CAPN13: variants seen among roughly 807,000 people sequenced by gnomAD.
CAPN13 encodes calpain-13.
CAPN13 carries 90 observed loss-of-function variants against 98.4 expected under a neutral mutation model. The ratio of observed to expected loss-of-function variants is 0.92; its 90% CI spans 0.77 to 1.09. The LOEUF is 1.09. Ranked by LOEUF, CAPN13 falls within the 50% of genes least tolerant of loss-of-function variation. The pLI is 0.00. For missense variants in CAPN13, 887 were observed against 841.3 expected (o/e 1.05, Z -0.67); for synonymous variants, 330 against 305.5 (o/e 1.08, Z -0.84).
chr2:30,733,881 C>T (rs1671222393), intron 19 of CAPN13, among the ~76,000 whole-genome samples: 1 of 152,192 alleles, frequency 6.6e-6, no homozygotes, highest in Non-Finnish European at 1.5e-5. Context: ...GATTCCTGCC[C>T]TTCCCAGTTT....
At chr2:30,800,168 GAAAGAAAGAAA>G (rs1675176841) in intron 1 of CAPN13, among the ~76,000 whole-genome samples, 6 of 151,188 alleles carry the variant, frequency 4.0e-5, no homozygotes, top group African/African-American at 1.5e-4. Context: ...AAGAAAGAAA[GAAAGAAAGAAA>G]GAAAGAAAGA....
intron 20 of CAPN13, 24 bp downstream of exon 20, chr2:30,732,414 G>GCCAA: frequency 6.2e-7 from 1 of 1,612,248 alleles, no homozygotes. Context: ...CAAGGTCTCT[G>GCCAA]GGATGCCCCT....
chr2:30,763,058 G>T, intron 7 of CAPN13, 24 bp downstream of exon 7: 1 of 1,590,020 alleles, frequency 6.3e-7, no homozygotes, highest in Non-Finnish European at 8.6e-7. Context: ...GGGGAGAGCT[G>T]GACAGGCCAG....
intron 22 of CAPN13, among the ~76,000 whole-genome samples, chr2:30,726,335 G>A (rs1368554201): frequency 6.6e-6 from 1 of 152,178 alleles, no homozygotes; most frequent in Non-Finnish European, 1.5e-5. Flanking sequence ...GGAACACAAG[G>A]TTGTCTGCTT....
chr2:30,807,287 C>A lies in CAPN13; in HGVS notation c.-33+15G>T, dbSNP rs17010354. ...CTTGGTCCACAGCTCTGGGACATGA[C>A]CACGCACAACTTACCTGTTTCCTAG... On this transcript the variant is annotated intron_variant, in intron 1 of 22. Transcript: ENST00000295055. The A allele has an allele frequency of 1.3e-5, 2 of 152,230 alleles. No individual in the cohort carries two copies. The highest frequency in any genetic ancestry group is 2.9e-5 in the Non-Finnish European group (2 of 68,082). The allele number at this position is 152,230 out of a possible 1,614,324, so 9.4% of individuals were successfully genotyped here.
At chr2:30,745,622 C>T in intron 12 of CAPN13, 101 bp downstream of exon 12, 2 of 1,179,416 alleles carry the variant, frequency 1.7e-6, no homozygotes, top group African/African-American at 1.5e-5. Flanking sequence ...ACTGAATTTG[C>T]AGCCACTGAA....
At chr2:30,769,773 C>T (rs149347551) in intron 5 of CAPN13, among the ~76,000 whole-genome samples, 1 of 152,180 alleles carries the variant, frequency 6.6e-6, no homozygotes, top group Non-Finnish European at 1.5e-5. Flanking sequence ...TCCTGCCCCA[C>T]CCCCACACAT....
intron 1 of CAPN13, among the ~76,000 whole-genome samples, chr2:30,787,976 G>A (rs1302579293): frequency 6.6e-6 from 1 of 152,154 alleles, no homozygotes; most frequent in African/African-American, 2.4e-5. Flanking sequence ...AGGAAGCCAG[G>A]AGCTCCTGCA....
intron 11 of CAPN13, chr2:30,746,451 C>T (rs745819026): frequency 1.9e-5 from 3 of 154,402 alleles, no homozygotes; most frequent in Non-Finnish European, 2.9e-5. Flanking sequence ...TTACTTATAT[C>T]TGTGATAACA....
At chr2:30,801,530 G>A (rs767515455) in intron 1 of CAPN13, among the ~76,000 whole-genome samples, 12 of 150,898 alleles carry the variant, frequency 8.0e-5, no homozygotes, top group East Asian at 3.9e-4. Context: ...GCTTGAACCC[G>A]GGAGGCGGAG....
At chr2:30,791,023 A>G (rs1472037669) in intron 1 of CAPN13, among the ~76,000 whole-genome samples, 1 of 152,076 alleles carries the variant, frequency 6.6e-6, no homozygotes, top group East Asian at 1.9e-4. Flanking sequence ...TTAGGGTTTC[A>G]TATGAATTTG....
chr2:30,730,641 C>A, intron 22 of CAPN13, 89 bp downstream of exon 22: 2 of 718,616 alleles, frequency 2.8e-6, no homozygotes, highest in African/African-American at 1.7e-5. Flanking sequence ...GGAGGCTCTC[C>A]CAAGGAGAGA....
At chr2:30,761,588 G>A (rs766454255) in intron 7 of CAPN13, among the ~76,000 whole-genome samples, 7 of 152,162 alleles carry the variant, frequency 4.6e-5, no homozygotes, top group Non-Finnish European at 7.3e-5. Context: ...CTATCTCAAT[G>A]TATAAAAAGG....
chr2:30,759,044 TTCCTTCCTTCCCTCCCTCCCTCCC>T (rs1374942228), intron 7 of CAPN13, among the ~76,000 whole-genome samples: 4 of 18,266 alleles, frequency 2.2e-4, no homozygotes, highest in South Asian at 4.7e-3. Flanking sequence ...CCCTCCCTCC[TTCCTTCCTTCCCTCCCTCCCTCCC>T]TCCTCCCTCC....
chr2:30,764,850 G>A (rs1374737897), intron 5 of CAPN13, among the ~76,000 whole-genome samples: 1 of 152,106 alleles, frequency 6.6e-6, no homozygotes, highest in Non-Finnish European at 1.5e-5. Flanking sequence ...ATACCCTGAT[G>A]CTGGCAGTGG....
chr2:30,759,630 C>A lies in CAPN13; in HGVS notation c.775-1493G>T, dbSNP rs530016516. On this transcript the variant is annotated intron_variant, in intron 7 of 22. Transcript: ENST00000295055. Reference sequence around the variant, plus strand: ...CCGCAGGTGGACGCAGGGCTCAGAGCTAGGTGCGGGCTGATGTGCGCTAAG... The same window carrying A: ...CCGCAGGTGGACGCAGGGCTCAGAGATAGGTGCGGGCTGATGTGCGCTAAG... Among the ~76,000 whole-genome samples, 11 of 152,320 alleles carry A rather than the reference C, an allele frequency of 7.2e-5. No individual in the cohort carries two copies. In the South Asian group the frequency reaches 1.5e-3, roughly 20 times the overall value.
chr2:30,742,846 G>A (rs898966002), intron 13 of CAPN13, among the ~76,000 whole-genome samples: 1 of 152,078 alleles, frequency 6.6e-6, no homozygotes, highest in Non-Finnish European at 1.5e-5. Flanking sequence ...CCTCCATGAT[G>A]GACTCTTTCT....
chr2:30,751,103 C>T lies in CAPN13; in HGVS notation c.1236G>A (p.Leu412=). The T allele has an allele frequency of 6.2e-7, 1 of 1,613,440 alleles. No individual in the cohort carries two copies. The highest frequency in any genetic ancestry group is 1.7e-5 in the Admixed American group (1 of 59,956). Residue 412 remains leucine (L), a splice_region_variant and synonymous_variant, in exon 11 of 23, where the codon CTG becomes CTA. Coordinates refer to ENST00000295055, the MANE Select transcript of CAPN13 (RefSeq NM_144575.3). The part of the protein sequence containing the change: ...AKFPLDFQVI[L]AGSQRFREKF... ...AAAGCCCTGAAGCAGGCTGCCTTAC[C>T]AGAATCACTTGGAAATCGAGTGGAA... is the stretch of plus-strand genomic sequence containing the variant.
In CAPN13 at chr2:30,764,113, G is replaced by A. The variant is rs774298844; in HGVS notation, c.699+19C>T. 6.4e-7 allele frequency: 1 copy of A among 1,552,220 alleles called. No homozygotes were observed. Among genetic ancestry groups the A allele is most frequent in the Non-Finnish European group, 8.7e-7 (1 of 1,147,232 alleles). ...GAGGAAAGCTTGAACTGGTGCAAAA[G>A]GGCTCCCCAGTGACTTACCCCACTT... On this transcript the variant is annotated intron_variant, in intron 6 of 22. Coordinates refer to ENST00000295055, the MANE Select transcript of CAPN13 (RefSeq NM_144575.3).
Sources: gnomAD v4.1 joint callset for allele counts (sites outside exome capture counted in the v4.1 genomes callset) on GRCh38, gnomAD v4.1.1 for gene constraint, MANE v1.5 for transcripts, NCBI Gene and HGNC (gene_info 2026-07-23, HGNC 2026-07-21) for gene names.